SCAPER: variants seen among roughly 807,000 people sequenced by gnomAD.
SCAPER encodes the protein S phase cyclin A-associated protein in the endoplasmic reticulum.
Under a neutral mutation model 182.2 loss-of-function variants are expected in SCAPER, and 98 were observed. That is an observed-to-expected ratio of 0.54 (90% CI 0.46 to 0.64). SCAPER has a LOEUF of 0.64. Among genes scored for constraint, SCAPER ranks in the 30% least tolerant of loss-of-function variants. The pLI is 0.00. For synonymous variants in SCAPER, 605 were observed against 564.6 expected, an observed-to-expected ratio of 1.07 and a Z score of -1.01; for missense variants, 1,432 against 1,690.0, an observed-to-expected ratio of 0.85 and a Z score of 2.68.
intron 14 of SCAPER, among the ~76,000 whole-genome samples, chr15:76,762,915 C>T (rs980551175): frequency 6.6e-6 from 1 of 152,170 alleles, no homozygotes; most frequent in Non-Finnish European, 1.5e-5. Context: ...CCTCAGCCTC[C>T]TAAAGTACTG....
chr15:76,764,730 GA>G (rs1386085952), intron 14 of SCAPER, among the ~76,000 whole-genome samples: 1 of 152,216 alleles, frequency 6.6e-6, no homozygotes, highest in African/African-American at 2.4e-5. Flanking sequence ...GGCAAAAGTA[GA>G]GCTTTAATAA....
chr15:76,631,364 T>C (rs1054043690), intron 21 of SCAPER, among the ~76,000 whole-genome samples: 1 of 152,194 alleles, frequency 6.6e-6, no homozygotes, highest in African/African-American at 2.4e-5. Flanking sequence ...CAGACTTCTT[T>C]ATGTAGTTGC....
chr15:76,632,955 A>T (rs1323746525), intron 21 of SCAPER, among the ~76,000 whole-genome samples: 1 of 151,416 alleles, frequency 6.6e-6, no homozygotes, highest in African/African-American at 2.4e-5. Context: ...TTGTATTTTT[A>T]ATAGAGACAG....
intron 27 of SCAPER, among the ~76,000 whole-genome samples, chr15:76,398,858 C>G (rs2044262553): frequency 6.6e-6 from 1 of 152,186 alleles, no homozygotes. Flanking sequence ...ACTGTGGGTC[C>G]ACTGCTTCCT....
rs947789678 is a variant in SCAPER at position 76,845,791 on chromosome 15, T to A, written c.196-3860A>T. 2.6e-5 allele frequency among the ~76,000 whole-genome samples: 4 copies of A among 152,024 alleles called. No homozygotes were observed. In the East Asian group the frequency reaches 7.7e-4, roughly 29 times the overall value. On this transcript the variant is annotated intron_variant, in intron 4 of 31. Coordinates refer to ENST00000563290, the MANE Select transcript of SCAPER (RefSeq NM_020843.4). ...TATCCAAAGCAATCTATAGATTCAA[T>A]ACAATCCCTATCAAAATACCAATGA... is the stretch of plus-strand genomic sequence containing the variant.
intron 22 of SCAPER, among the ~76,000 whole-genome samples, chr15:76,607,250 G>C (rs1473147204): frequency 6.6e-6 from 1 of 152,162 alleles, no homozygotes; most frequent in Non-Finnish European, 1.5e-5. Context: ...TGTCTGTAAA[G>C]TATTTTATTT....
At chr15:76,351,673 G>A (rs1020570731) in intron 30 of SCAPER, among the ~76,000 whole-genome samples, 1 of 152,032 alleles carries the variant, frequency 6.6e-6, no homozygotes, top group Non-Finnish European at 1.5e-5. Context: ...GCATGTAGAT[G>A]GAAAATGAAA....
intron 4 of SCAPER, chr15:76,855,917 TG>T: frequency 4.9e-6 from 2 of 404,912 alleles, no homozygotes; most frequent in Non-Finnish European, 1.0e-5. Context: ...ATCCCATTAC[TG>T]GGTATATTAC....
rs182182053 is a variant in SCAPER at position 76,796,203 on chromosome 15, C to T, written c.612-763G>A. Among the ~76,000 whole-genome samples the T allele has an allele frequency of 7.9e-5, 12 of 152,196 alleles. No homozygotes were observed. In the East Asian group the frequency reaches 1.5e-3, roughly 20 times the overall value. On this transcript the variant is annotated intron_variant, in intron 7 of 31. Transcript: ENST00000563290. ...TCACTGACAACATCTAAATTTGGTT[C>T]CTTTAAAGTGGAGTGAAAATTCAGT...
At chr15:76,873,327 AAGGAAGGCAGGCAGGC>A (rs774229620) in intron 2 of SCAPER, among the ~76,000 whole-genome samples, 2,679 of 102,282 alleles carry the variant, frequency 0.026, 31 homozygotes, top group East Asian at 0.056. Flanking sequence ...GGAAGGAAGG[AAGGAAGGCAGGCAGGC>A]AGGCAGGCAG....
intron 23 of SCAPER, among the ~76,000 whole-genome samples, chr15:76,539,484 C>G (rs1448881878): frequency 6.6e-6 from 1 of 151,790 alleles, no homozygotes; most frequent in East Asian, 1.9e-4. Flanking sequence ...CCAACCAACT[C>G]CTGATCCAAA....
Position 76,774,954 on chromosome 15 carries a change from C to T in SCAPER, c.936G>A (p.Gln312=). ...NVCLLPDESI[Q]KGQFVGDGTS... ...TTCCATCTCCAACAAATTGACCTTTCTGTATGCTTTCATCAGGTAAAAGAC... is the reference window on the plus strand; with the variant it reads ...TTCCATCTCCAACAAATTGACCTTTTTGTATGCTTTCATCAGGTAAAAGAC... Residue 312 remains glutamine (Q), a synonymous_variant, in exon 9 of 32, where the codon CAG becomes CAA. Transcript: ENST00000563290. The T allele has an allele frequency of 6.2e-7, 1 of 1,613,788 alleles. No individual in the cohort carries two copies. Among genetic ancestry groups the T allele is most frequent in the Non-Finnish European group, 8.5e-7 (1 of 1,179,760 alleles).
chr15:76,613,417 C>A (rs1009474842), intron 22 of SCAPER, among the ~76,000 whole-genome samples: 1 of 152,168 alleles, frequency 6.6e-6, no homozygotes, highest in African/African-American at 2.4e-5. Context: ...CAAACACTGA[C>A]AAATGGTATC....
intron 14 of SCAPER, among the ~76,000 whole-genome samples, chr15:76,759,597 T>G (rs1040797007): frequency 6.6e-6 from 1 of 152,144 alleles, no homozygotes; most frequent in African/African-American, 2.4e-5. Context: ...GAATAAACAT[T>G]AAAACAACAG....
intron 21 of SCAPER, among the ~76,000 whole-genome samples, chr15:76,654,644 T>C (rs2055466081): frequency 6.6e-6 from 1 of 152,132 alleles, no homozygotes. Context: ...AAATAATCAT[T>C]CTACAAAAAA....
At chr15:76,733,533 G>A (rs1014794786) in intron 15 of SCAPER, 149 bp from the exon 16 acceptor site, 6 of 839,018 alleles carry the variant, frequency 7.2e-6, no homozygotes, top group Non-Finnish European at 1.1e-5. Flanking sequence ...CGGATCACCT[G>A]AAGTTGGGAG....
intron 23 of SCAPER, among the ~76,000 whole-genome samples, chr15:76,545,368 G>A (rs923133609): frequency 6.6e-6 from 1 of 152,162 alleles, no homozygotes; most frequent in Middle Eastern, 3.4e-3. Flanking sequence ...GCCCAATGAC[G>A]CTGGTTCATT....
At chr15:76,569,149 C>T (rs2047258946) in intron 23 of SCAPER, among the ~76,000 whole-genome samples, 1 of 151,994 alleles carries the variant, frequency 6.6e-6, no homozygotes, top group South Asian at 2.1e-4. Context: ...GGAAAATTTT[C>T]AACATTTCAC....
At chr15:76,731,316 C>T (rs1325809195) in intron 16 of SCAPER, among the ~76,000 whole-genome samples, 1 of 151,962 alleles carries the variant, frequency 6.6e-6, no homozygotes, top group Non-Finnish European at 1.5e-5. Context: ...CTCTTTATGC[C>T]TACAATTCAA....
Sources: allele counts gnomAD v4.1 joint callset (sites outside exome capture counted in the v4.1 genomes callset), GRCh38; gene constraint gnomAD v4.1.1; transcripts MANE v1.5; gene names NCBI Gene and HGNC (gene_info 2026-07-23, HGNC 2026-07-21).